CCDC178: variants seen among roughly 807,000 people sequenced by gnomAD.
CCDC178 encodes coiled-coil domain-containing protein 178.
CCDC178 carries 126 observed loss-of-function variants against 117.4 expected under a neutral mutation model. The ratio of observed to expected loss-of-function variants is 1.07; its 90% CI spans 0.93 to 1.24. The LOEUF is 1.24. Ranked by LOEUF, CCDC178 falls within the 50% of genes most tolerant of loss-of-function variation. CCDC178 has a pLI of 0.00. For missense variants in CCDC178, 1,030 were observed against 986.9 expected (o/e 1.04, Z -0.59); for synonymous variants, 283 against 313.4 (o/e 0.90, Z 1.02).
intron 10 of CCDC178, among the ~76,000 whole-genome samples, chr18:33,330,897 T>A (rs1407820215): frequency 6.6e-6 from 1 of 152,020 alleles, no homozygotes; most frequent in South Asian, 2.1e-4. Context: ...GTGAATCTCG[T>A]CCAAAAAATG....
chr18:33,137,803 C>G (rs2058147277), intron 20 of CCDC178, among the ~76,000 whole-genome samples: 1 of 152,124 alleles, frequency 6.6e-6, no homozygotes, highest in Non-Finnish European at 1.5e-5. Flanking sequence ...AGGTGCAAGA[C>G]TTGGAAGACA....
intron 5 of CCDC178, among the ~76,000 whole-genome samples, chr18:33,371,893 T>G (rs2063306798): frequency 6.6e-6 from 1 of 151,972 alleles, no homozygotes; most frequent in African/African-American, 2.4e-5. Flanking sequence ...AATATCTTGA[T>G]AAGGGCATGT....
At chr18:33,259,658 C>T (rs527829115) in intron 14 of CCDC178, among the ~76,000 whole-genome samples, 16 of 152,210 alleles carry the variant, frequency 1.1e-4, no homozygotes, top group East Asian at 1.9e-4. Context: ...TCACCCCCCC[C>T]CACCAGTCCC....
intron 21 of CCDC178, among the ~76,000 whole-genome samples, chr18:33,031,267 G>T (rs2056337077): frequency 6.8e-6 from 1 of 146,734 alleles, no homozygotes; most frequent in African/African-American, 2.5e-5. Context: ...ATGGAGTCTT[G>T]CTATGTTGCT....
intron 2 of CCDC178, among the ~76,000 whole-genome samples, chr18:33,429,669 G>T (rs1171479768): frequency 6.6e-6 from 1 of 152,118 alleles, no homozygotes; most frequent in Non-Finnish European, 1.5e-5. Context: ...TTTTAATTCA[G>T]GGAAACTTTC....
intron 9 of CCDC178, among the ~76,000 whole-genome samples, chr18:33,345,203 A>C (rs184991516): frequency 1.8e-3 from 267 of 152,254 alleles, no homozygotes; most frequent in Non-Finnish European, 3.1e-3. Flanking sequence ...AGCTCTTACA[A>C]AACATGTGCA....
intron 11 of CCDC178, among the ~76,000 whole-genome samples, chr18:33,307,787 A>G (rs1169651671): frequency 2.0e-5 from 3 of 152,206 alleles, no homozygotes; most frequent in Non-Finnish European, 4.4e-5. Flanking sequence ...ACAGGAGCCA[A>G]TGTAAAGCTC....
At chr18:33,254,511 T>C (rs1271453300) in intron 14 of CCDC178, among the ~76,000 whole-genome samples, 3 of 151,972 alleles carry the variant, frequency 2.0e-5, no homozygotes, top group Non-Finnish European at 4.4e-5. Context: ...AACAAGTTTA[T>C]ACTCTCATGA....
chr18:33,417,742 C>T (rs914920791), intron 2 of CCDC178, among the ~76,000 whole-genome samples: 8 of 151,986 alleles, frequency 5.3e-5, no homozygotes, highest in African/African-American at 1.9e-4. Context: ...AAGCAATTTC[C>T]TATAAAACTA....
At chr18:33,354,861 T>C (rs12456115) in intron 7 of CCDC178, among the ~76,000 whole-genome samples, 66,019 of 151,956 alleles carry the variant, frequency 0.43, 15,818 homozygotes, top group African/African-American at 0.65. Flanking sequence ...CCACCCGCCT[T>C]GGCCTCCCAA....
At chr18:33,440,313 GACT>G (rs2064364044) in intron 1 of CCDC178, among the ~76,000 whole-genome samples, 1 of 124,532 alleles carries the variant, frequency 8.0e-6, no homozygotes, top group African/African-American at 3.0e-5. Flanking sequence ...GGGACTGGGG[GACT>G]GGGGGACTGG....
At chr18:33,401,865 G>C (rs2063713675) in intron 3 of CCDC178, among the ~76,000 whole-genome samples, 1 of 151,922 alleles carries the variant, frequency 6.6e-6, no homozygotes, top group African/African-American at 2.4e-5. Context: ...GTCCAAATGA[G>C]AGAAGATTAA....
intron 14 of CCDC178, among the ~76,000 whole-genome samples, chr18:33,261,069 G>C (rs1420251082): frequency 8.3e-6 from 1 of 119,922 alleles, no homozygotes; most frequent in South Asian, 3.3e-4. Flanking sequence ...TTAATATCAG[G>C]GTTTTTTTTT....
chr18:33,076,417 T>C (rs1418777643), intron 21 of CCDC178, among the ~76,000 whole-genome samples: 1 of 152,194 alleles, frequency 6.6e-6, no homozygotes, highest in African/African-American at 2.4e-5. Context: ...TAGGAGGATA[T>C]TTGAGGAAAG....
intron 17 of CCDC178, among the ~76,000 whole-genome samples, chr18:33,224,065 C>T (rs978373319): frequency 1.3e-5 from 2 of 152,032 alleles, no homozygotes; most frequent in Admixed American, 1.3e-4. Context: ...TTTTAAATCA[C>T]AATTTTAAGA....
intron 22 of CCDC178, among the ~76,000 whole-genome samples, chr18:32,941,951 T>C (rs564539005): frequency 2.6e-5 from 4 of 152,158 alleles, no homozygotes; most frequent in Non-Finnish European, 5.9e-5. Flanking sequence ...ATGACCTGAA[T>C]ATAGCCCTTC....
chr18:33,269,162 C>T (rs1216113891), intron 12 of CCDC178, among the ~76,000 whole-genome samples: 3 of 151,774 alleles, frequency 2.0e-5, no homozygotes, highest in African/African-American at 7.2e-5. Flanking sequence ...AGCACAAAAA[C>T]TCTCTCCCAG....
chr18:33,387,312 C>G (rs1042531221), intron 5 of CCDC178, among the ~76,000 whole-genome samples: 68 of 152,206 alleles, frequency 4.5e-4, no homozygotes, highest in African/African-American at 1.6e-3. Context: ...AATACTATTT[C>G]CATTAAACTA....
chr18:33,024,858 A>T (rs933503980), intron 21 of CCDC178, among the ~76,000 whole-genome samples: 34 of 149,384 alleles, frequency 2.3e-4, no homozygotes, highest in African/African-American at 8.2e-4. Flanking sequence ...TCACCGTGTT[A>T]CCCAGGATGG....
Sources: allele counts gnomAD v4.1 joint callset (sites outside exome capture counted in the v4.1 genomes callset), GRCh38; gene constraint gnomAD v4.1.1; transcripts MANE v1.5; gene names NCBI Gene and HGNC (gene_info 2026-07-23, HGNC 2026-07-21).